The following ZNF385B variants were observed in gnomAD, a reference collection of about 807,000 sequenced individuals.
ZNF385B encodes zinc finger protein 385B, also known as zinc finger protein 533.
In ZNF385B, 23 loss-of-function variants were observed where a neutral mutation model predicts 39.2. That is an observed-to-expected ratio of 0.59 (90% CI 0.42 to 0.83). The LOEUF (loss-of-function observed/expected upper bound fraction) is 0.83. Among genes scored for constraint, ZNF385B ranks in the 40% least tolerant of loss-of-function variants. ZNF385B has a pLI of 0.00. For synonymous variants in ZNF385B, 205 were observed against 222.6 expected, an observed-to-expected ratio of 0.92 and a Z score of 0.70; for missense variants, 552 against 598.9, an observed-to-expected ratio of 0.92 and a Z score of 0.82.
At chr2:179,552,152 T>G (rs2060615403) in intron 3 of ZNF385B, among the ~76,000 whole-genome samples, 1 of 149,314 alleles carries the variant, frequency 6.7e-6, no homozygotes, top group South Asian at 2.2e-4. Flanking sequence ...ACAACCTTAC[T>G]TAAGGACAGA....
chr2:179,726,483 G>A (rs908868490), intron 3 of ZNF385B, among the ~76,000 whole-genome samples: 5 of 151,972 alleles, frequency 3.3e-5, no homozygotes, highest in African/African-American at 4.8e-5. Context: ...TTAGGATATG[G>A]GAGTATTAGT....
intron 1 of ZNF385B, among the ~76,000 whole-genome samples, chr2:179,788,498 A>C (rs1479613976): frequency 1.3e-5 from 2 of 152,172 alleles, no homozygotes; most frequent in African/African-American, 2.4e-5. Context: ...CACCAGGTCA[A>C]GACTAAAAGT....
At chr2:179,706,226 A>G (rs1699587390) in intron 3 of ZNF385B, among the ~76,000 whole-genome samples, 1 of 152,168 alleles carries the variant, frequency 6.6e-6, no homozygotes, top group African/African-American at 2.4e-5. Context: ...GTTGCCAGGT[A>G]GAGGTTTTTG....
At chr2:179,456,396 G>A (rs768546929) in intron 6 of ZNF385B, among the ~76,000 whole-genome samples, 4 of 151,952 alleles carry the variant, frequency 2.6e-5, no homozygotes, top group Non-Finnish European at 5.9e-5. Context: ...GACATAATAT[G>A]GTATCTCATT....
chr2:179,820,071 ATG>A (rs960150305), intron 1 of ZNF385B, among the ~76,000 whole-genome samples: 3 of 151,978 alleles, frequency 2.0e-5, no homozygotes, highest in African/African-American at 4.8e-5. Context: ...GTGTGTGTAT[ATG>A]TGTGTGTGTA....
chr2:179,648,322 T>G (rs904922560), intron 3 of ZNF385B, among the ~76,000 whole-genome samples: 3 of 152,006 alleles, frequency 2.0e-5, no homozygotes, highest in Admixed American at 6.5e-5. Flanking sequence ...ATAAATATAT[T>G]AGGATAATGA....
In ZNF385B at chr2:179,769,644, C is replaced by A. The variant is rs1703899282; in HGVS notation, c.157G>T (p.Val53Leu). 2 of 1,614,032 alleles carry A rather than the reference C, an allele frequency of 1.2e-6. No individual in the cohort carries two copies. Among genetic ancestry groups the A allele is most frequent in the Non-Finnish European group, 1.7e-6 (2 of 1,180,040 alleles). Reference sequence around the variant, plus strand: ...GCAGAGTTCAGCTGGATGTTGCACACCTCACAGAAGGAGAAAAGAATTTTC... The same window carrying A: ...GCAGAGTTCAGCTGGATGTTGCACAACTCACAGAAGGAGAAAAGAATTTTC... ...KKKILFSFCE[V>L]CNIQLNSAAQ... The change falls in exon 3 of 10, where the codon GTG (valine) becomes TTG (leucine). Residue 53 changes from valine (V) to leucine (L), a missense_variant. Transcript: ENST00000410066.
intron 3 of ZNF385B, among the ~76,000 whole-genome samples, chr2:179,701,876 T>A (rs763460772): frequency 1.2e-4 from 18 of 152,172 alleles, no homozygotes; most frequent in Non-Finnish European, 2.4e-4. Context: ...CTCTTCCACA[T>A]ATAAAGGTAT....
chr2:179,774,155 T>C (rs1234915985), intron 1 of ZNF385B, among the ~76,000 whole-genome samples: 2 of 151,504 alleles, frequency 1.3e-5, no homozygotes, highest in Non-Finnish European at 2.9e-5. Flanking sequence ...GTGATGTGTA[T>C]GAATGTGGTG....
chr2:179,815,596 A>T (rs1352658652), intron 1 of ZNF385B, among the ~76,000 whole-genome samples: 1 of 152,226 alleles, frequency 6.6e-6, no homozygotes, highest in Non-Finnish European at 1.5e-5. Flanking sequence ...CAATTCTTTT[A>T]ACATGTCTAT....
At chr2:179,755,338 T>C (rs547564425) in intron 3 of ZNF385B, among the ~76,000 whole-genome samples, 2 of 151,394 alleles carry the variant, frequency 1.3e-5, no homozygotes, top group Non-Finnish European at 2.9e-5. Context: ...TGCTGAGGAG[T>C]GCTTTACTTC....
At chr2:179,566,066 T>C (rs1684536260) in intron 3 of ZNF385B, among the ~76,000 whole-genome samples, 1 of 152,194 alleles carries the variant, frequency 6.6e-6, no homozygotes, top group Non-Finnish European at 1.5e-5. Context: ...GTTGAGTGAA[T>C]GTAGGCGTAA....
intron 3 of ZNF385B, among the ~76,000 whole-genome samples, chr2:179,677,518 C>T (rs995516362): frequency 2.6e-5 from 4 of 152,130 alleles, no homozygotes; most frequent in Admixed American, 6.5e-5. Flanking sequence ...CTTTATGAGG[C>T]TTTTTTATTG....
intron 3 of ZNF385B, among the ~76,000 whole-genome samples, chr2:179,634,973 CAA>C (rs66671134): frequency 0.016 from 1,808 of 115,550 alleles, 34 homozygotes; most frequent in African/African-American, 0.05. Flanking sequence ...ACTAAAAATA[CAA>C]AAAAAAAAAA....
chr2:179,683,789 TAAC>T (rs1231887708), intron 3 of ZNF385B, among the ~76,000 whole-genome samples: 1 of 152,182 alleles, frequency 6.6e-6, no homozygotes, highest in Non-Finnish European at 1.5e-5. Context: ...AAATGTTTTA[TAAC>T]AACAAAACTG....
At chr2:179,824,771 AT>A (rs5836697) in intron 1 of ZNF385B, among the ~76,000 whole-genome samples, 70,064 of 151,570 alleles carry the variant, frequency 0.46, 16,901 homozygotes, top group African/African-American at 0.56. Flanking sequence ...TTATTGGAGA[AT>A]TTTTTTAATA....
chr2:179,638,328 C>A (rs1370237537), intron 3 of ZNF385B, among the ~76,000 whole-genome samples: 1 of 152,108 alleles, frequency 6.6e-6, no homozygotes. Context: ...TTTTAAAAAT[C>A]TTCTGACTAT....
At chr2:179,818,702 G>C (rs111588573) in intron 1 of ZNF385B, among the ~76,000 whole-genome samples, 1 of 152,260 alleles carries the variant, frequency 6.6e-6, no homozygotes, top group East Asian at 1.9e-4. Flanking sequence ...CGGTCAGTTC[G>C]TTCGGCCTCA....
intron 3 of ZNF385B, among the ~76,000 whole-genome samples, chr2:179,729,794 A>G (rs1362421858): frequency 6.6e-6 from 1 of 152,168 alleles, no homozygotes; most frequent in Non-Finnish European, 1.5e-5. Context: ...AGCTGTTTTC[A>G]TGATAGTGAG....
Sources: gnomAD v4.1 joint callset for allele counts (sites outside exome capture counted in the v4.1 genomes callset) on GRCh38, gnomAD v4.1.1 for gene constraint, MANE v1.5 for transcripts, NCBI Gene and HGNC (gene_info 2026-07-23, HGNC 2026-07-21) for gene names.